The following AMPH variants were observed in gnomAD, a reference collection of about 807,000 sequenced individuals.
AMPH encodes amphiphysin, also known as amphiphysin (Stiff-Mann syndrome with breast cancer 128kD autoantigen).
A neutral mutation model predicts 99.1 loss-of-function variants in AMPH; 49 were observed. The ratio of observed to expected loss-of-function variants is 0.49; its 90% confidence interval spans 0.39 to 0.63. The LOEUF (loss-of-function observed/expected upper bound fraction) is 0.63. Among genes scored for constraint, AMPH ranks in the 20% least tolerant of loss-of-function variants. AMPH has a pLI of 0.00. For missense variants in AMPH, 759 were observed against 863.4 expected, an observed-to-expected ratio of 0.88 and a Z score of 1.52; for synonymous variants, 314 against 317.3, an observed-to-expected ratio of 0.99 and a Z score of 0.11.
chr7:38,454,687 G>T (rs1175590727), intron 11 of AMPH, among the ~76,000 whole-genome samples: 1 of 152,136 alleles, frequency 6.6e-6, no homozygotes, highest in South Asian at 2.1e-4. Context: ...AAGGACAAAA[G>T]ACTTAAAATT....
intron 20 of AMPH, among the ~76,000 whole-genome samples, chr7:38,385,742 T>C (rs915722728): frequency 6.6e-6 from 1 of 152,194 alleles, no homozygotes; most frequent in African/African-American, 2.4e-5. Flanking sequence ...TATATGGTCA[T>C]GCAGAATGGG....
chr7:38,555,829 T>C (rs1213227430), intron 1 of AMPH, among the ~76,000 whole-genome samples: 6 of 152,210 alleles, frequency 3.9e-5, no homozygotes, highest in Admixed American at 3.3e-4. Context: ...TCTATAAGCA[T>C]ATATACTTTA....
In AMPH at chr7:38,432,279, A is replaced by G. The variant is rs137898427; in HGVS notation, c.1135-67T>C. ...TAAAACATAAAAAAATGCTGAGGTG[A>G]CAAAAGTTCTTGAAATCATAAGCAT... On this transcript the variant is annotated intron_variant, in intron 12 of 20. Transcript: ENST00000356264. 1,445 of 1,423,966 alleles carry G rather than the reference A, an allele frequency of 1.0e-3. 13 individuals carry two copies. In the African/African-American group the frequency reaches 0.018, roughly 18 times the overall value. The allele number at this position is 1,423,966 out of a possible 1,614,324, so 88.2% of individuals were successfully genotyped here.
intron 1 of AMPH, among the ~76,000 whole-genome samples, chr7:38,609,514 AAGGCAGTC>A (rs1274670858): frequency 6.6e-6 from 1 of 152,172 alleles, no homozygotes; most frequent in Non-Finnish European, 1.5e-5. Context: ...GAATTCCACA[AAGGCAGTC>A]AGTGAAGAAT....
In AMPH at chr7:38,613,773, A is replaced by C. The variant is rs368176807; in HGVS notation, c.69+17510T>G. ...TTTCAAACGGTTCAAAGTAAACCTT[A>C]GGACAGAGGTTTAGCTGCAGGAATA... is the stretch of plus-strand genomic sequence containing the variant. On this transcript the variant is annotated intron_variant, in intron 1 of 20. Coordinates refer to ENST00000356264, the MANE Select transcript of AMPH (RefSeq NM_001635.4). 3.6e-4 allele frequency among the ~76,000 whole-genome samples: 54 copies of C among 151,152 alleles called. No homozygotes were observed. The East Asian group carries it at 6.6e-3, about 18-fold the overall frequency.
chr7:38,484,438 C>T (rs1026019284), intron 5 of AMPH, among the ~76,000 whole-genome samples: 4 of 151,982 alleles, frequency 2.6e-5, no homozygotes, highest in African/African-American at 9.7e-5. Context: ...GCCAGAAGGG[C>T]GTCAGATGAC....
chr7:38,463,851 A>C (rs561662537), intron 9 of AMPH, among the ~76,000 whole-genome samples: 1 of 152,358 alleles, frequency 6.6e-6, no homozygotes, highest in South Asian at 2.1e-4. Context: ...CTCAGGACAC[A>C]TCCTACTCTC....
chr7:38,483,162 A>C (rs2129016759), intron 5 of AMPH, among the ~76,000 whole-genome samples: 1 of 152,162 alleles, frequency 6.6e-6, no homozygotes, highest in South Asian at 2.1e-4. Flanking sequence ...ACTTCTACCC[A>C]AGGGAGTGCC....
chr7:38,523,115 A>G (rs1437275088), intron 2 of AMPH, among the ~76,000 whole-genome samples: 1 of 151,980 alleles, frequency 6.6e-6, no homozygotes, highest in Non-Finnish European at 1.5e-5. Context: ...TCTAAAAAAA[A>G]AAAAAAAGAA....
intron 1 of AMPH, among the ~76,000 whole-genome samples, chr7:38,564,227 G>A (rs895161434): frequency 3.9e-5 from 6 of 152,162 alleles, no homozygotes; most frequent in Non-Finnish European, 5.9e-5. Flanking sequence ...TGATGGGTCT[G>A]GGGCTCCATC....
At chr7:38,525,312 A>AGAGG (rs1261439983) in intron 2 of AMPH, among the ~76,000 whole-genome samples, 19 of 130,060 alleles carry the variant, frequency 1.5e-4, no homozygotes, top group African/African-American at 4.5e-4. Flanking sequence ...AGAGAGAGAG[A>AGAGG]GGGAGCCTTT....
chr7:38,548,789 A>T (rs1432109665), intron 1 of AMPH, among the ~76,000 whole-genome samples: 1 of 152,224 alleles, frequency 6.6e-6, no homozygotes, highest in East Asian at 1.9e-4. Context: ...CCACTTGCAC[A>T]CGTGAAGAAC....
intron 1 of AMPH, among the ~76,000 whole-genome samples, chr7:38,547,175 G>A (rs995633031): frequency 6.6e-6 from 1 of 152,004 alleles, no homozygotes; most frequent in African/African-American, 2.4e-5. Flanking sequence ...TAGGCCTGGG[G>A]AAAAATGTCC....
chr7:38,402,344 T>C (rs376313872), intron 17 of AMPH, among the ~76,000 whole-genome samples: 1 of 152,238 alleles, frequency 6.6e-6, no homozygotes, highest in East Asian at 1.9e-4. Context: ...AAGAAACTTT[T>C]AACTCTGGCA....
chr7:38,542,905 C>T (rs1485269199), intron 1 of AMPH, among the ~76,000 whole-genome samples: 1 of 151,708 alleles, frequency 6.6e-6, no homozygotes, highest in Non-Finnish European at 1.5e-5. Context: ...ACCAGCTTGG[C>T]CAATATGGTG....
At chr7:38,557,531 GCTTCCC>G in intron 1 of AMPH, among the ~76,000 whole-genome samples, 1 of 152,264 alleles carries the variant, frequency 6.6e-6, no homozygotes, top group South Asian at 2.1e-4. Flanking sequence ...GGATGTGTTT[GCTTCCC>G]CTTCGGCCAT....
intron 20 of AMPH, among the ~76,000 whole-genome samples, chr7:38,388,592 T>C (rs1229339959): frequency 6.6e-6 from 1 of 152,094 alleles, no homozygotes; most frequent in Non-Finnish European, 1.5e-5. Context: ...TAGAAGTGTA[T>C]TTTAAAATTT....
At chr7:38,481,876 G>A (rs1584148629) in intron 5 of AMPH, among the ~76,000 whole-genome samples, 1 of 152,158 alleles carries the variant, frequency 6.6e-6, no homozygotes, top group Middle Eastern at 3.4e-3. Flanking sequence ...TACTTTAAAT[G>A]TAAGTTGATT....
intron 17 of AMPH, among the ~76,000 whole-genome samples, chr7:38,400,820 G>A (rs1784820294): frequency 6.6e-6 from 1 of 152,194 alleles, no homozygotes; most frequent in Admixed American, 6.5e-5. Context: ...TGAGACAATT[G>A]AAGATACTTT....
Sources: allele counts gnomAD v4.1 joint callset (sites outside exome capture counted in the v4.1 genomes callset), GRCh38; gene constraint gnomAD v4.1.1; transcripts MANE v1.5; gene names NCBI Gene and HGNC (gene_info 2026-07-23, HGNC 2026-07-21).